ZNF609: variants seen among roughly 807,000 people sequenced by gnomAD.
The protein encoded by ZNF609 is zinc finger protein 609.
A neutral mutation model predicts 109.5 loss-of-function variants in ZNF609; 11 were observed. The observed-to-expected ratio is 0.10, with a 90% CI of 0.06 to 0.17. ZNF609 has a LOEUF of 0.17. ZNF609 is among the 10% of genes least tolerant of loss of function. The probability of loss-of-function intolerance (pLI) is 1.00; values close to 1 mark genes in which losing one functional copy is unlikely to be tolerated. For missense variants in ZNF609, 1,559 were observed against 1,772.4 expected (o/e 0.88, Z 2.16); for synonymous variants, 646 against 662.0 (o/e 0.98, Z 0.37).
chr15:64,531,433 G>A (rs958088045), intron 2 of ZNF609, among the ~76,000 whole-genome samples: 9 of 152,168 alleles, frequency 5.9e-5, no homozygotes, highest in African/African-American at 2.2e-4. Context: ...GTCTCGCTCT[G>A]TCACCCAGGC....
chr15:64,561,076 T>C (rs1413672893), intron 2 of ZNF609, among the ~76,000 whole-genome samples: 3 of 152,196 alleles, frequency 2.0e-5, no homozygotes, highest in Non-Finnish European at 2.9e-5. Flanking sequence ...ACCACCCACA[T>C]AGGCTTTATA....
At chr15:64,615,635 C>T (rs1595740078) in intron 2 of ZNF609, among the ~76,000 whole-genome samples, 1 of 151,932 alleles carries the variant, frequency 6.6e-6, no homozygotes, top group African/African-American at 2.4e-5. Context: ...TATGGGCATG[C>T]ACCACCATGC....
At chr15:64,542,103 G>A (rs958793968) in intron 2 of ZNF609, among the ~76,000 whole-genome samples, 2 of 151,934 alleles carry the variant, frequency 1.3e-5, no homozygotes, top group African/African-American at 4.8e-5. Flanking sequence ...GGGCAACATA[G>A]GGAGACCCCC....
chr15:64,586,169 A>G (rs1190513932), intron 2 of ZNF609, among the ~76,000 whole-genome samples: 1 of 152,078 alleles, frequency 6.6e-6, no homozygotes, highest in Non-Finnish European at 1.5e-5. Context: ...TACTAAAAAT[A>G]CAAAAAATTA....
chr15:64,644,504 G>C (rs1267799534), intron 3 of ZNF609, among the ~76,000 whole-genome samples: 2 of 152,012 alleles, frequency 1.3e-5, no homozygotes, highest in African/African-American at 2.4e-5. Context: ...AAAACAAAAA[G>C]AAAAATAATA....
At chr15:64,657,249 G>A (rs1440890863) in intron 3 of ZNF609, among the ~76,000 whole-genome samples, 3 of 148,146 alleles carry the variant, frequency 2.0e-5, no homozygotes, top group Non-Finnish European at 3.0e-5. Flanking sequence ...GACAGAGCAA[G>A]ACTGTGTCTC....
At chr15:64,636,109 G>C (rs1567035905) in intron 3 of ZNF609, among the ~76,000 whole-genome samples, 1 of 152,154 alleles carries the variant, frequency 6.6e-6, no homozygotes, top group Non-Finnish European at 1.5e-5. Context: ...GCCCATTCAG[G>C]CTTCTCTGTA....
intron 1 of ZNF609, chr15:64,471,513 T>C (rs1893090841): frequency 6.6e-6 from 1 of 152,216 alleles, no homozygotes; most frequent in Non-Finnish European, 1.5e-5. Context: ...TAAAGGTTAT[T>C]TGGGGAAGTG....
At chr15:64,664,550 G>C (rs148645996) in intron 3 of ZNF609, among the ~76,000 whole-genome samples, 1,997 of 152,210 alleles carry the variant, frequency 0.013, 32 homozygotes, top group African/African-American at 0.046. Context: ...TTTCTCTTCA[G>C]CCTACTTGCT....
At chr15:64,600,337 C>G (rs1348899105) in intron 2 of ZNF609, among the ~76,000 whole-genome samples, 1 of 150,914 alleles carries the variant, frequency 6.6e-6, no homozygotes, top group Non-Finnish European at 1.5e-5. Flanking sequence ...GTAGTCCCAG[C>G]TACTCAGGAG....
chr15:64,529,343 C>G, intron 2 of ZNF609: 2 of 728,892 alleles, frequency 2.7e-6, no homozygotes, highest in Non-Finnish European at 5.0e-6. Flanking sequence ...GCAAGTGAGC[C>G]CCAGCCTTCT....
intron 5 of ZNF609, 133 bp from the exon 6 acceptor site, chr15:64,677,983 G>A (rs1165537890): frequency 1.6e-6 from 2 of 1,236,296 alleles, no homozygotes; most frequent in African/African-American, 3.0e-5. Flanking sequence ...AAGATCAGTA[G>A]AGGCCAAAAT....
Position 64,674,994 on chromosome 15 carries a change from C to T in ZNF609, c.2140C>T (p.Pro714Ser), listed in dbSNP as rs765310375. ...IQPKPTVMGE[P>S]FTVNPALTPA... is the part of the protein sequence containing the mutation. ...GCCCAAGCCCACTGTTATGGGAGAA[C>T]CTTTCACAGTCAACCCTGCCTTGAC... Residue 714 changes from proline to serine, a missense_variant, in exon 5 of 10, where the codon CCT becomes TCT. Coordinates refer to ENST00000326648, the MANE Select transcript of ZNF609 (RefSeq NM_015042.2). 7 of 1,613,918 alleles carry T rather than the reference C, an allele frequency of 4.3e-6. No individual in the cohort carries two copies. The Admixed American group carries it at 5.0e-5, about 12-fold the overall frequency.
chr15:64,582,727 T>TC (rs1158520875), intron 2 of ZNF609, among the ~76,000 whole-genome samples: 1 of 132,498 alleles, frequency 7.5e-6, no homozygotes, highest in Non-Finnish European at 1.5e-5. Context: ...TTTTTTCTTT[T>TC]TTTTTTTTTT....
At chr15:64,545,474 C>G (rs554793145) in intron 2 of ZNF609, among the ~76,000 whole-genome samples, 6 of 152,236 alleles carry the variant, frequency 3.9e-5, no homozygotes, top group Admixed American at 2.6e-4. Flanking sequence ...GCTGGGATTA[C>G]GGGCATTAGC....
At chr15:64,524,642 C>T (rs1181425149) in intron 2 of ZNF609, among the ~76,000 whole-genome samples, 1 of 151,672 alleles carries the variant, frequency 6.6e-6, no homozygotes, top group Admixed American at 6.6e-5. Context: ...TGTATCAGTA[C>T]TCCATTCCTT....
chr15:64,560,384 G>A lies in ZNF609; in HGVS notation c.747+60218G>A, dbSNP rs1035919623. Reference sequence around the variant, plus strand: ...TTAATTTGTTTTTTTTTTTCCCCCCGCAGAAGATCCTTTGGTTTTCTACTA... The same window carrying A: ...TTAATTTGTTTTTTTTTTTCCCCCCACAGAAGATCCTTTGGTTTTCTACTA... On this transcript the variant is annotated intron_variant, in intron 2 of 9. Transcript: ENST00000326648. Among the ~76,000 whole-genome samples, 8 of 150,152 alleles carry A rather than the reference G, an allele frequency of 5.3e-5. No homozygotes were observed. The East Asian group carries it at 7.8e-4, about 15-fold the overall frequency.
At chr15:64,484,639 G>T (rs1175951893) in intron 1 of ZNF609, among the ~76,000 whole-genome samples, 1 of 128,072 alleles carries the variant, frequency 7.8e-6, no homozygotes, top group Non-Finnish European at 1.6e-5. Flanking sequence ...TTGCGCCATT[G>T]CACTCCAGCC....
chr15:64,565,014 A>C (rs187650958), intron 2 of ZNF609, among the ~76,000 whole-genome samples: 1,956 of 145,742 alleles, frequency 0.013, 31 homozygotes, highest in African/African-American at 0.048. Flanking sequence ...CGCCTGGCTA[A>C]TTTTTTTGTA....
Sources: allele counts gnomAD v4.1 joint callset (sites outside exome capture counted in the v4.1 genomes callset), GRCh38; gene constraint gnomAD v4.1.1; transcripts MANE v1.5; gene names NCBI Gene and HGNC (gene_info 2026-07-23, HGNC 2026-07-21).